NBDY: variants seen among roughly 807,000 people sequenced by gnomAD.
NBDY encodes the protein P-body dissociating protein.
At chrX:56,813,924 C>T (rs976846918) in intron 2 of NBDY, among the ~76,000 whole-genome samples, 3 of 111,532 alleles carry the variant, frequency 2.7e-5, no homozygotes, top group East Asian at 5.6e-4. Context: ...TTGCCACTCC[C>T]GTTCATTGTC....
chrX:56,791,585 G>A (rs1332689060), intron 2 of NBDY, among the ~76,000 whole-genome samples: 1 of 111,357 alleles, frequency 9.0e-6, no homozygotes, highest in Non-Finnish European at 1.9e-5. Context: ...ACTCAGGAAA[G>A]ATCCCAACGA....
chrX:56,760,119 A>T (rs1335599836), intron 2 of NBDY, among the ~76,000 whole-genome samples: 1 of 112,636 alleles, frequency 8.9e-6, no homozygotes, highest in Non-Finnish European at 1.9e-5. Flanking sequence ...CTGCTTCTCC[A>T]TGAGGTCCCA....
intron 2 of NBDY, among the ~76,000 whole-genome samples, chrX:56,806,685 T>A (rs914123777): frequency 8.9e-6 from 1 of 112,100 alleles, no homozygotes; most frequent in African/African-American, 3.2e-5. Context: ...TGTAAATTGG[T>A]TTAAGTTCTT....
intron 2 of NBDY, among the ~76,000 whole-genome samples, chrX:56,738,178 G>A (rs1328879948): frequency 8.9e-6 from 1 of 111,896 alleles, no homozygotes; most frequent in Non-Finnish European, 1.9e-5. Context: ...TTTTAATATG[G>A]AACAATTCCT....
chrX:56,789,517 C>G (rs759569103), intron 2 of NBDY, among the ~76,000 whole-genome samples: 8 of 112,358 alleles, frequency 7.1e-5, no homozygotes, highest in Non-Finnish European at 1.5e-4. Flanking sequence ...CTAGGTAGCA[C>G]TCTTCCTCTT....
intron 2 of NBDY, among the ~76,000 whole-genome samples, chrX:56,744,209 A>T (rs1247604278): frequency 9.0e-6 from 1 of 111,613 alleles, no homozygotes; most frequent in African/African-American, 3.2e-5. Flanking sequence ...GAATGTTTTA[A>T]GACTTGTATT....
At chrX:56,788,306 G>T (rs2069741668) in intron 2 of NBDY, among the ~76,000 whole-genome samples, 1 of 113,091 alleles carries the variant, frequency 8.8e-6, no homozygotes, top group African/African-American at 3.2e-5. Flanking sequence ...GGTTATGGTT[G>T]TAGTTGGCAT....
intron 2 of NBDY, among the ~76,000 whole-genome samples, chrX:56,784,863 G>T (rs759051307): frequency 3.2e-4 from 36 of 112,464 alleles, no homozygotes; most frequent in Non-Finnish European, 6.4e-4. Flanking sequence ...TTCTTGGGAT[G>T]CGAAGCCATG....
intron 2 of NBDY, among the ~76,000 whole-genome samples, chrX:56,749,904 G>A (rs2069576144): frequency 9.0e-6 from 1 of 111,246 alleles, no homozygotes; most frequent in Non-Finnish European, 1.9e-5. Flanking sequence ...GTCCGATTCA[G>A]CCTCCCAAAG....
chrX:56,811,721 C>A (rs779062002), intron 2 of NBDY, among the ~76,000 whole-genome samples: 25 of 112,089 alleles, frequency 2.2e-4, no homozygotes, highest in African/African-American at 7.5e-4. Flanking sequence ...CCGAGCCAGA[C>A]CGGTTGGCCC....
At chrX:56,793,485 G>A (rs1419160831) in intron 2 of NBDY, among the ~76,000 whole-genome samples, 1 of 110,745 alleles carries the variant, frequency 9.0e-6, no homozygotes, top group Non-Finnish European at 1.9e-5. Flanking sequence ...TCTTCTCCTT[G>A]TCTTTTTTTT....
intron 2 of NBDY, among the ~76,000 whole-genome samples, chrX:56,807,681 G>A (rs2069859717): frequency 8.9e-6 from 1 of 112,208 alleles, no homozygotes; most frequent in South Asian, 3.7e-4. Flanking sequence ...CTGAGACTTT[G>A]CTGAAGTAGC....
chrX:56,733,264 A>C (rs976586478), intron 2 of NBDY, among the ~76,000 whole-genome samples: 1 of 110,327 alleles, frequency 9.1e-6, no homozygotes, highest in East Asian at 2.8e-4. Flanking sequence ...TTATGAAATC[A>C]TTACATTATT....
intron 2 of NBDY, among the ~76,000 whole-genome samples, chrX:56,814,135 G>T (rs1446085999): frequency 9.0e-6 from 1 of 110,532 alleles, no homozygotes; most frequent in Non-Finnish European, 1.9e-5. Flanking sequence ...AATTTTTCTG[G>T]ACCGAAGGTA....
At position 56,817,517 on chromosome X, in the gene NBDY, G is replaced by C. The variant is rs1765834265; in HGVS notation, c.*364G>C. 8.9e-6 allele frequency: 1 copy of C among 111,770 alleles called. No individual in the cohort carries two copies. The highest frequency in any genetic ancestry group is 3.7e-4 in the South Asian group (1 of 2,719). The allele number at this position is 111,770 out of a possible 1,213,427, so 9.2% of individuals were successfully genotyped here. ...CTTTTGGTGACATCCTGTTCTTGTT[G>C]TATAACTTTATATTCCTATAAATCC... On this transcript the variant is annotated 3_prime_UTR_variant, in exon 3 of 3. Transcript: ENST00000374922.
At chrX:56,794,484 G>A (rs1282246090) in intron 2 of NBDY, among the ~76,000 whole-genome samples, 2 of 112,028 alleles carry the variant, frequency 1.8e-5, no homozygotes, top group Non-Finnish European at 3.8e-5. Flanking sequence ...CCCCACCTAC[G>A]AGGTCACTTT....
chrX:56,787,429 C>A (rs2069735323), intron 2 of NBDY, among the ~76,000 whole-genome samples: 1 of 111,532 alleles, frequency 9.0e-6, no homozygotes, highest in African/African-American at 3.3e-5. Flanking sequence ...ATCTCTTCCA[C>A]ATGGGCTCTA....
At chrX:56,795,085 G>A (rs959916421) in intron 2 of NBDY, among the ~76,000 whole-genome samples, 3 of 112,438 alleles carry the variant, frequency 2.7e-5, no homozygotes, top group African/African-American at 9.7e-5. Flanking sequence ...CTGGAACGTG[G>A]TGGTTCACCA....
At chrX:56,790,376 T>G (rs1167010003) in intron 2 of NBDY, among the ~76,000 whole-genome samples, 1 of 111,717 alleles carries the variant, frequency 9.0e-6, no homozygotes, top group Non-Finnish European at 1.9e-5. Flanking sequence ...CACTCAGGGG[T>G]GTGTGAACCA....
Sources: gnomAD v4.1 joint callset for allele counts (sites outside exome capture counted in the v4.1 genomes callset) on GRCh38, gnomAD v4.1.1 for gene constraint, MANE v1.5 for transcripts, NCBI Gene and HGNC (gene_info 2026-07-23, HGNC 2026-07-21) for gene names.